Variants in TRAPPC9 observed in about 807,000 individuals in gnomAD.
TRAPPC9 encodes the protein trafficking protein particle complex subunit 9.
In TRAPPC9, 83 loss-of-function variants were observed where a neutral mutation model predicts 124.0. The observed-to-expected ratio is 0.67, with a 90% CI of 0.56 to 0.80. TRAPPC9 has a LOEUF of 0.80. Among genes scored for constraint, TRAPPC9 ranks in the 30% least tolerant of loss-of-function variants. TRAPPC9 has a pLI of 0.00. For missense variants in TRAPPC9, 1,302 were observed against 1,508.3 expected (o/e 0.86, Z 2.27); for synonymous variants, 638 against 617.5 (o/e 1.03, Z -0.49).
At chr8:140,456,570 A>G (rs150589764) in intron 1 of TRAPPC9, among the ~76,000 whole-genome samples, 2 of 149,838 alleles carry the variant, frequency 1.3e-5, no homozygotes, top group Non-Finnish European at 3.0e-5. Flanking sequence ...TTCCCTCTAC[A>G]CTACTAGTCC....
intron 7 of TRAPPC9, among the ~76,000 whole-genome samples, chr8:140,396,944 TC>T (rs936976619): frequency 7.4e-5 from 11 of 148,282 alleles, no homozygotes; most frequent in Admixed American, 6.7e-5. Flanking sequence ...CAGCTCTCTT[TC>T]CCCCACCCTT....
Position 139,767,606 on chromosome 8 carries a change from G to T in TRAPPC9, c.3056-35404C>A, listed in dbSNP as rs543267345. On this transcript the variant is annotated intron_variant, in intron 21 of 22. Coordinates refer to ENST00000438773, the MANE Select transcript of TRAPPC9 (RefSeq NM_001160372.4). The stretch of plus-strand genomic sequence containing the variant: ...GAGGGAACAGATGAACCAAGGTGCA[G>T]AGGTAGAGGCTTGGGCTTGAGCTGC... 4.6e-5 allele frequency among the ~76,000 whole-genome samples: 7 copies of T among 152,344 alleles called. No homozygotes were observed. The South Asian group carries it at 1.4e-3, about 32-fold the overall frequency.
At chr8:140,133,455 T>A (rs963061693) in intron 17 of TRAPPC9, among the ~76,000 whole-genome samples, 2 of 152,154 alleles carry the variant, frequency 1.3e-5, no homozygotes, top group African/African-American at 2.4e-5. Context: ...ACAGCTAACA[T>A]CATACTCAAC....
At chr8:140,410,758 G>T (rs148310876) in intron 5 of TRAPPC9, among the ~76,000 whole-genome samples, 4,172 of 151,990 alleles carry the variant, frequency 0.027, 116 homozygotes, top group African/African-American at 0.071. Flanking sequence ...CAGGAGAATG[G>T]CGTGAACACA....
chr8:140,068,942 T>TA (rs1843005790), intron 17 of TRAPPC9, among the ~76,000 whole-genome samples: 1 of 152,130 alleles, frequency 6.6e-6, no homozygotes, highest in East Asian at 1.9e-4. Context: ...ATATAGGGGA[T>TA]AAAAAAACAC....
At position 140,087,717 on chromosome 8, in the gene TRAPPC9, G is replaced by A. The variant is rs547459425; in HGVS notation, c.2557-63638C>T. Among the ~76,000 whole-genome samples, 32 of 152,064 alleles carry A rather than the reference G, an allele frequency of 2.1e-4. No individual in the cohort carries two copies. The highest frequency in any genetic ancestry group is 6.3e-4 in the African/African-American group (26 of 41,470). On this transcript the variant is annotated intron_variant, in intron 17 of 22. Coordinates refer to ENST00000438773, the MANE Select transcript of TRAPPC9 (RefSeq NM_001160372.4). This position sits in a 1 kb window ranked among gnomAD's most constrained non-coding sequence, Gnocchi z 4.6. ...GACAATGCCACTGGCTCCCCACCTC[G>A]TCTCCCCTGCCTCTACTCGTCCACG... is the stretch of plus-strand genomic sequence containing the variant.
At chr8:139,734,659 T>G (rs1178420381) in intron 21 of TRAPPC9, among the ~76,000 whole-genome samples, 1 of 152,232 alleles carries the variant, frequency 6.6e-6, no homozygotes, top group Non-Finnish European at 1.5e-5. Flanking sequence ...CCAAGATTTA[T>G]TAGCTGGCTG....
intron 8 of TRAPPC9, among the ~76,000 whole-genome samples, chr8:140,367,453 T>G (rs1485732949): frequency 6.6e-6 from 1 of 152,192 alleles, no homozygotes; most frequent in Non-Finnish European, 1.5e-5. Flanking sequence ...TGTATATTAC[T>G]AAGAGAAAGA....
At chr8:140,370,335 C>T (rs1440889658) in intron 8 of TRAPPC9, among the ~76,000 whole-genome samples, 1 of 152,014 alleles carries the variant, frequency 6.6e-6, no homozygotes, top group East Asian at 2.0e-4. Flanking sequence ...GACAGTGTTT[C>T]ACCATGTTGG....
At chr8:139,820,607 C>T (rs200677785) in intron 21 of TRAPPC9, among the ~76,000 whole-genome samples, 1 of 152,170 alleles carries the variant, frequency 6.6e-6, no homozygotes, top group Non-Finnish European at 1.5e-5. Context: ...CAAATAACTA[C>T]AAAAGCCATA....
chr8:139,836,162 C>T (rs1826333519), intron 21 of TRAPPC9, among the ~76,000 whole-genome samples: 1 of 152,126 alleles, frequency 6.6e-6, no homozygotes, highest in Non-Finnish European at 1.5e-5. Context: ...GCACCCACCG[C>T]CACACCTGGC....
intron 17 of TRAPPC9, among the ~76,000 whole-genome samples, chr8:140,077,334 A>T (rs1024007128): frequency 5.3e-5 from 8 of 152,224 alleles, no homozygotes; most frequent in African/African-American, 1.4e-4. Flanking sequence ...AAATGAATAA[A>T]TGGGTGAATG....
At chr8:140,360,679 C>G (rs2067924290) in intron 8 of TRAPPC9, among the ~76,000 whole-genome samples, 1 of 152,108 alleles carries the variant, frequency 6.6e-6, no homozygotes, top group African/African-American at 2.4e-5. Flanking sequence ...CACTCCAAAA[C>G]AGTTTAGCAT....
chr8:140,415,327 C>T (rs1031989507), intron 5 of TRAPPC9, among the ~76,000 whole-genome samples: 2 of 151,288 alleles, frequency 1.3e-5, no homozygotes, highest in African/African-American at 2.4e-5. Flanking sequence ...GCCAAGGTGG[C>T]CAGATCACTT....
At chr8:140,051,581 T>A (rs1421032559) in intron 17 of TRAPPC9, among the ~76,000 whole-genome samples, 1 of 149,310 alleles carries the variant, frequency 6.7e-6, no homozygotes, top group Non-Finnish European at 1.5e-5. Context: ...TCATTCTTTT[T>A]TTTTTTTTTT....
chr8:139,756,708 G>A (rs1343276118), intron 21 of TRAPPC9, among the ~76,000 whole-genome samples: 6 of 134,840 alleles, frequency 4.4e-5, no homozygotes, highest in South Asian at 2.6e-4. Context: ...CCAGGCTTTG[G>A]GGATGAGGAC....
chr8:140,155,770 A>G (rs1319108423), intron 17 of TRAPPC9, among the ~76,000 whole-genome samples: 2 of 152,228 alleles, frequency 1.3e-5, no homozygotes, highest in African/African-American at 4.8e-5. Flanking sequence ...GATTTTTGCA[A>G]CAGTTGCCAA....
intron 7 of TRAPPC9, among the ~76,000 whole-genome samples, chr8:140,387,746 G>A (rs1184186719): frequency 6.6e-6 from 1 of 152,162 alleles, no homozygotes; most frequent in Non-Finnish European, 1.5e-5. Flanking sequence ...AGAGGACGTG[G>A]AGAATAGGAA....
intron 13 of TRAPPC9, 124 bp from the exon 14 acceptor site, chr8:140,284,145 G>GA: frequency 1.6e-6 from 2 of 1,269,726 alleles, no homozygotes; most frequent in Admixed American, 1.7e-5. Context: ...GCTGCCCGGG[G>GA]CCCGCCGGCG....
Sources: gnomAD v4.1 joint callset for allele counts (sites outside exome capture counted in the v4.1 genomes callset) on GRCh38, gnomAD v4.1.1 for gene constraint, Gnocchi (gnomAD v3.1) non-coding constraint, MANE v1.5 for transcripts, NCBI Gene and HGNC (gene_info 2026-07-23, HGNC 2026-07-21) for gene names.